DSE: variants seen among roughly 807,000 people sequenced by gnomAD.
DSE encodes dermatan sulfate epimerase, also known as dermatan-sulfate epimerase.
A neutral mutation model predicts 84.4 loss-of-function variants in DSE; 36 were observed. The ratio of observed to expected loss-of-function variants is 0.43; its 90% CI spans 0.33 to 0.56. The LOEUF (loss-of-function observed/expected upper bound fraction) is 0.56, where lower values mean the gene tolerates loss of function less well. DSE is among the 20% of genes least tolerant of loss of function. The pLI is 0.06. For missense variants in DSE, 862 were observed against 1,169.6 expected, an observed-to-expected ratio of 0.74 and a Z score of 3.84; for synonymous variants, 410 against 430.1, an observed-to-expected ratio of 0.95 and a Z score of 0.58.
chr6:116,304,220 T>C (rs1192551717), intron 2 of DSE, among the ~76,000 whole-genome samples: 1 of 152,102 alleles, frequency 6.6e-6, no homozygotes, highest in Non-Finnish European at 1.5e-5. Flanking sequence ...TGTCAAAGAC[T>C]GGGGAAGCTT....
rs1774897636 is a variant in DSE, at chr6:116,299,547, TATATACACATACAC to T, written c.-54+40582_-54+40595del. On this transcript the variant is annotated intron_variant, in intron 2 of 3. Transcript: ENST00000430252. ...ATATATATATATATATATATATATATATATACACATACACACACACACACACATACATATATATG... is the reference window on the plus strand; with the variant it reads ...ATATATATATATATATATATATATATACACACACACACATACATATATATG... Among the ~76,000 whole-genome samples, 17 of 50,030 alleles carry T rather than the reference TATATACACATACAC, an allele frequency of 3.4e-4. No homozygotes were observed. The South Asian group carries it at 0.021, about 63-fold the overall frequency. The allele number at this position is 50,030 out of a possible 152,430, so 32.8% of individuals were successfully genotyped here.
At chr6:116,380,303 A>G (rs532600356) in intron 1 of DSE, among the ~76,000 whole-genome samples, 2 of 152,148 alleles carry the variant, frequency 1.3e-5, no homozygotes, top group African/African-American at 4.8e-5. Flanking sequence ...AAATAAATAT[A>G]ACATAGTTTC....
intron 1 of DSE, among the ~76,000 whole-genome samples, chr6:116,394,974 G>T (rs4278046): frequency 1.3e-5 from 2 of 152,336 alleles, no homozygotes; most frequent in East Asian, 3.9e-4. Flanking sequence ...GATTTAAAGG[G>T]CCTGGGAGTG....
At chr6:116,381,692 G>A (rs1780233232) in intron 1 of DSE, among the ~76,000 whole-genome samples, 1 of 152,040 alleles carries the variant, frequency 6.6e-6, no homozygotes, top group Admixed American at 6.5e-5. Flanking sequence ...CTTGGCACTT[G>A]GCAAGCACAA....
chr6:116,390,989 G>A (rs1043737831), intron 1 of DSE, among the ~76,000 whole-genome samples: 1 of 152,220 alleles, frequency 6.6e-6, no homozygotes, highest in African/African-American at 2.4e-5. Flanking sequence ...AATTTAGTTA[G>A]ATAGCCACTA....
chr6:116,371,315 G>A (rs540615854), intron 1 of DSE, among the ~76,000 whole-genome samples, 194 bp downstream of exon 1: 4 of 152,314 alleles, frequency 2.6e-5, no homozygotes, highest in African/African-American at 9.6e-5. Flanking sequence ...CGCCTGACGC[G>A]TGAAGCCTGA....
At chr6:116,278,432 A>G in intron 2 of DSE, 1 of 1,571,034 alleles carries the variant, frequency 6.4e-7, no homozygotes, top group Non-Finnish European at 8.7e-7. Flanking sequence ...GCACAATAGA[A>G]GGCATACTCA....
In DSE at chr6:116,406,926, G is replaced by GA. The variant is rs540704932; in HGVS notation, c.416+7266dup. Among the ~76,000 whole-genome samples, 893 of 152,182 alleles carry GA rather than the reference G, an allele frequency of 5.9e-3. 7 individuals are homozygous for GA. Among genetic ancestry groups the GA allele is most frequent in the Non-Finnish European group, 6.9e-3 (469 of 67,996 alleles). On this transcript the variant is annotated intron_variant, in intron 2 of 5. Coordinates refer to ENST00000644252, the MANE Select transcript of DSE (RefSeq NM_013352.4). ...GGATGGCTTGGAAGGAATGACTCAG[G>GA]AAAAAAGAAACGGTTAGAAGCTTAT... is the stretch of plus-strand genomic sequence containing the variant.
chr6:116,436,007 C>G lies in DSE; in HGVS notation c.1539C>G (p.Tyr513Ter). 2 of 1,614,134 alleles carry G rather than the reference C, an allele frequency of 1.2e-6. No individual in the cohort carries two copies. The highest frequency in any genetic ancestry group is 1.7e-6 in the Non-Finnish European group (2 of 1,180,016). ...TEDCSSKWSK[Y>*]KHDLAASCQG... ...ACTGCTCATCAAAATGGTCTAAATA[C>G]AAGCATGACCTGGCAGCTAGTTGTC... The change falls in exon 6 of 6, where the codon TAC becomes TAG. Residue 513 changes from tyrosine to a stop codon, truncating the protein, a stop_gained. Coordinates refer to ENST00000644252, the MANE Select transcript of DSE (RefSeq NM_013352.4). LOFTEE classifies it high-confidence loss of function.
chr6:116,267,370 T>G (rs866267937), intron 2 of DSE, among the ~76,000 whole-genome samples: 35 of 152,098 alleles, frequency 2.3e-4, no homozygotes, highest in African/African-American at 8.5e-4. Flanking sequence ...ATATTGATAA[T>G]CGGGAGCATG....
At chr6:116,420,032 A>C (rs947494280) in intron 2 of DSE, among the ~76,000 whole-genome samples, 2 of 152,216 alleles carry the variant, frequency 1.3e-5, no homozygotes, top group Admixed American at 1.3e-4. Context: ...AAAGCCTGCT[A>C]TAAAGTTGTT....
chr6:116,339,305 T>C (rs1427401697), intron 2 of DSE, among the ~76,000 whole-genome samples: 1 of 144,454 alleles, frequency 6.9e-6, no homozygotes, highest in Non-Finnish European at 1.5e-5. Flanking sequence ...CCCCCACTTT[T>C]CTTCCTTTCT....
At chr6:116,346,116 G>A (rs1777950457) in intron 2 of DSE, among the ~76,000 whole-genome samples, 1 of 152,160 alleles carries the variant, frequency 6.6e-6, no homozygotes, top group Admixed American at 6.5e-5. Flanking sequence ...CTGAAATTGA[G>A]GCAATAATTA....
chr6:116,436,107 C>G lies in DSE; in HGVS notation c.1639C>G (p.Pro547Ala), dbSNP rs758776679. 1 of 1,612,830 alleles carries G rather than the reference C, an allele frequency of 6.2e-7. No individual in the cohort carries two copies. The highest frequency in any genetic ancestry group is 8.5e-7 in the Non-Finnish European group (1 of 1,180,020). The change falls in exon 6 of 6, where the codon CCC becomes GCC. Residue 547 changes from proline (P) to alanine (A), a missense_variant. Pro to Ala is a conservative substitution (Grantham distance 27). Around this residue, in one of 4 missense-constraint regions of DSE, gnomAD observed 186 missense variants for 255.1 expected, o/e 0.73. Transcript: ENST00000644252. ...IRGEGVGAYNPQLNLKNVQRN... is the reference protein window; with the variant it reads ...IRGEGVGAYNAQLNLKNVQRN... ...AGGAGAAGGTGTGGGAGCTTATAAC[C>G]CCCAGCTCAACCTGAAGAATGTTCA...
chr6:116,287,741 T>G (rs1050175334), intron 2 of DSE, among the ~76,000 whole-genome samples: 8 of 152,088 alleles, frequency 5.3e-5, no homozygotes, highest in African/African-American at 1.9e-4. Flanking sequence ...CTAATAAAAG[T>G]AGCAACTCTC....
At chr6:116,365,591 G>C (rs1333084539), upstream of DSE, among the ~76,000 whole-genome samples, 1 of 152,202 alleles carries the variant, frequency 6.6e-6, no homozygotes, top group Non-Finnish European at 1.5e-5. Context: ...CTAATGTGCA[G>C]CAAAGTTTGG....
At chr6:116,371,406 A>G (rs1052939270) in intron 1 of DSE, among the ~76,000 whole-genome samples, 2 of 152,132 alleles carry the variant, frequency 1.3e-5, no homozygotes, top group African/African-American at 4.8e-5. Flanking sequence ...CCGAGCACCG[A>G]GCCGGGAACA....
chr6:116,398,513 G>T (rs1443279376), intron 1 of DSE, among the ~76,000 whole-genome samples: 1 of 152,160 alleles, frequency 6.6e-6, no homozygotes, highest in Non-Finnish European at 1.5e-5. Context: ...CTGAATGAAG[G>T]CATGTCAGTT....
intron 2 of DSE, among the ~76,000 whole-genome samples, chr6:116,322,343 G>T (rs1229485747): frequency 6.6e-6 from 1 of 151,988 alleles, no homozygotes; most frequent in Admixed American, 6.6e-5. Context: ...TTTCTTTGGA[G>T]GCAGAAATTG....
Sources: allele counts gnomAD v4.1 joint callset (sites outside exome capture counted in the v4.1 genomes callset), GRCh38; gene constraint gnomAD v4.1.1; regional missense constraint gnomAD v4.1.1; transcripts MANE v1.5; gene names NCBI Gene and HGNC (gene_info 2026-07-23, HGNC 2026-07-21).